Variants in CRYM observed in about 807,000 individuals in gnomAD.
The protein encoded by CRYM is crystallin mu.
CRYM carries 18 observed loss-of-function variants against 32.9 expected under a neutral mutation model. The observed-to-expected ratio is 0.55, with a 90% confidence interval of 0.38 to 0.81. The LOEUF (loss-of-function observed/expected upper bound fraction) is 0.81, where lower values mean the gene tolerates loss of function less well. Among genes scored for constraint, CRYM ranks in the 30% least tolerant of loss-of-function variants. CRYM has a pLI of 0.00. For synonymous variants in CRYM, 153 were observed against 152.4 expected (o/e 1.00, Z -0.03); for missense variants, 337 against 393.5 (o/e 0.86, Z 1.21).
At chr16:21,294,366 G>A (rs1420250410) in intron 1 of CRYM, among the ~76,000 whole-genome samples, 2 of 152,046 alleles carry the variant, frequency 1.3e-5, no homozygotes, top group Non-Finnish European at 2.9e-5. Context: ...TTAAGTTCCG[G>A]GATACATGTG....
Position 21,258,758 on chromosome 16 carries a change from T to C in CRYM, c.*23A>G. On this transcript the variant is annotated 3_prime_UTR_variant, in exon 8 of 8. Coordinates refer to ENST00000572914, the MANE Select transcript of CRYM (RefSeq NM_001376256.1). The stretch of plus-strand genomic sequence containing the variant: ...AGCAGCAATATTCCTCAAGCATCCA[T>C]CTCAACATCAAGTTCCTTTGTTTTA... 6.2e-7 allele frequency: 1 copy of C among 1,605,088 alleles called. No homozygotes were observed. Among genetic ancestry groups the C allele is most frequent in the Admixed American group, 1.7e-5 (1 of 60,010 alleles).
chr16:21,276,360 C>T (rs1226784539), intron 2 of CRYM, among the ~76,000 whole-genome samples: 2 of 152,080 alleles, frequency 1.3e-5, no homozygotes, highest in South Asian at 2.1e-4. Context: ...AATGCCATCT[C>T]GGTTGGATGA....
chr16:21,277,709 C>T lies in CRYM; in HGVS notation c.171-125G>A. 3 of 1,043,506 alleles carry T rather than the reference C, an allele frequency of 2.9e-6. No homozygotes were observed. Among genetic ancestry groups the T allele is most frequent in the Non-Finnish European group, 4.3e-6 (3 of 702,382 alleles). 64.6% of individuals were successfully genotyped at this position (1,043,506 alleles called of 1,614,324 possible). On this transcript the variant is annotated intron_variant, in intron 1 of 7. Transcript: ENST00000572914. This position sits in a 1 kb window ranked among gnomAD's most constrained non-coding sequence, Gnocchi z 4.2. ...CCCACTGGCCCTCTTCCAGCCCCCG[C>T]ATCCCTCTGCCCTTCCCTTAGACAC...
intron 2 of CRYM, among the ~76,000 whole-genome samples, chr16:21,276,488 G>C (rs996077648): frequency 6.6e-6 from 1 of 152,228 alleles, no homozygotes. Flanking sequence ...GGAGCGCACA[G>C]ACCTTAAGAG....
intron 6 of CRYM, 147 bp downstream of exon 6, chr16:21,261,890 C>A (rs569985136): frequency 1.1e-6 from 1 of 911,694 alleles, no homozygotes; most frequent in African/African-American, 1.7e-5. Flanking sequence ...AAGAGGGTTG[C>A]AAAATGTTTA....
intron 1 of CRYM, among the ~76,000 whole-genome samples, chr16:21,290,435 A>G (rs1209648321): frequency 6.6e-6 from 1 of 152,170 alleles, no homozygotes; most frequent in Non-Finnish European, 1.5e-5. Context: ...AACTCGGGAC[A>G]CATCTGAACA....
upstream of CRYM, among the ~76,000 whole-genome samples, chr16:21,281,512 T>A (rs567315091): frequency 1.3e-5 from 2 of 152,312 alleles, no homozygotes; most frequent in African/African-American, 4.8e-5. Flanking sequence ...ATTACAGGCA[T>A]GAGCCACCGT....
intron 7 of CRYM, among the ~76,000 whole-genome samples, chr16:21,259,089 AT>A (rs937593864): frequency 8.1e-5 from 12 of 148,780 alleles, no homozygotes; most frequent in South Asian, 2.1e-4. Context: ...GGCTGAGCAA[AT>A]TTTTTTTTTT....
At chr16:21,293,114 A>G (rs553968816) in intron 1 of CRYM, among the ~76,000 whole-genome samples, 6 of 152,208 alleles carry the variant, frequency 3.9e-5, no homozygotes, top group Non-Finnish European at 8.8e-5. Flanking sequence ...TTGATTTCAG[A>G]TGAGGTGCCA....
chr16:21,271,898 G>A (rs774301784), intron 3 of CRYM, among the ~76,000 whole-genome samples: 9 of 150,948 alleles, frequency 6.0e-5, no homozygotes, highest in East Asian at 1.9e-4. Context: ...TCGCTTTGTC[G>A]CCCAGGCTGG....
chr16:21,279,956 C>T (rs562204918), upstream of CRYM, among the ~76,000 whole-genome samples: 2 of 152,288 alleles, frequency 1.3e-5, no homozygotes, highest in South Asian at 2.1e-4. Context: ...TTCAATGACA[C>T]AATTTTGTTT....
chr16:21,297,209 A>G (rs889790547), intron 1 of CRYM, among the ~76,000 whole-genome samples: 6 of 151,508 alleles, frequency 4.0e-5, no homozygotes, highest in South Asian at 2.1e-4. Context: ...CCCGGTCAAC[A>G]TGGTGAAACC....
chr16:21,269,714 G>T, intron 4 of CRYM, 76 bp downstream of exon 4: 1 of 940,494 alleles, frequency 1.1e-6, no homozygotes. Context: ...AATAACCTGT[G>T]GTGCAGTGAA....
intron 1 of CRYM, among the ~76,000 whole-genome samples, chr16:21,295,704 G>A (rs1597631994): frequency 6.6e-6 from 1 of 152,270 alleles, no homozygotes; most frequent in East Asian, 1.9e-4. Context: ...AGGCCGAGGT[G>A]GGCAGATCAC....
At chr16:21,293,091 C>G (rs1960704185) in intron 1 of CRYM, among the ~76,000 whole-genome samples, 1 of 152,026 alleles carries the variant, frequency 6.6e-6, no homozygotes. Context: ...TAGATTCATA[C>G]ATGTATAGTC....
At chr16:21,264,550 G>A (rs536080121) in intron 5 of CRYM, among the ~76,000 whole-genome samples, 11 of 152,244 alleles carry the variant, frequency 7.2e-5, no homozygotes, top group South Asian at 2.1e-4. Context: ...CTGTCCCTCC[G>A]CTGAGCTGTA....
chr16:21,275,697 T>C lies in CRYM; in HGVS notation c.325-103A>G, dbSNP rs2093384802. Reference sequence around the variant, plus strand: ...TAGCTTAGGAAGTTTTATAGCATCCTACAAACAGCATGGGTTTGGCGTCAG... The same window carrying C: ...TAGCTTAGGAAGTTTTATAGCATCCCACAAACAGCATGGGTTTGGCGTCAG... On this transcript the variant is annotated intron_variant, in intron 2 of 7. Coordinates refer to ENST00000572914, the MANE Select transcript of CRYM (RefSeq NM_001376256.1). 3 of 915,466 alleles carry C rather than the reference T, an allele frequency of 3.3e-6. No homozygotes were observed. The African/African-American group carries it at 4.9e-5, about 15-fold the overall frequency. The allele number at this position is 915,466 out of a possible 1,614,324, so 56.7% of individuals were successfully genotyped here.
At chr16:21,259,269 T>A (rs948819783) in intron 7 of CRYM, among the ~76,000 whole-genome samples, 2 of 151,528 alleles carry the variant, frequency 1.3e-5, no homozygotes, top group Non-Finnish European at 2.9e-5. Context: ...TGGCTAATTT[T>A]TTTTTTTTTT....
Position 21,261,358 on chromosome 16 carries a change from T to C in CRYM, c.796-20A>G. 1 of 1,607,166 alleles carries C rather than the reference T, an allele frequency of 6.2e-7. No homozygotes were observed. The highest frequency in any genetic ancestry group is 8.5e-7 in the Non-Finnish European group (1 of 1,174,246). On this transcript the variant is annotated intron_variant, in intron 6 of 7. Transcript: ENST00000572914. ...CTCGGCCTAGGAAACAAACATACGC[T>C]GACCCAGGCATGAAGCTAAAGTCTG...
Sources: allele counts gnomAD v4.1 joint callset (sites outside exome capture counted in the v4.1 genomes callset), GRCh38; gene constraint gnomAD v4.1.1; non-coding constraint Gnocchi (gnomAD v3.1); transcripts MANE v1.5; gene names NCBI Gene and HGNC (gene_info 2026-07-23, HGNC 2026-07-21).